The following ADAMTS17 variants were observed in gnomAD, a reference collection of about 807,000 sequenced individuals.
ADAMTS17 encodes the protein ADAM metallopeptidase with thrombospondin type 1 motif 17.
A neutral mutation model predicts 141.5 loss-of-function variants in ADAMTS17; 113 were observed. The observed-to-expected ratio is 0.80, with a 90% CI of 0.69 to 0.93. The LOEUF (loss-of-function observed/expected upper bound fraction) is 0.93. Among genes scored for constraint, ADAMTS17 ranks in the 40% least tolerant of loss-of-function variants. The pLI, the probability that ADAMTS17 is intolerant of heterozygous loss-of-function variation, is 0.00. For missense variants in ADAMTS17, 1,659 were observed against 1,517.9 expected, an observed-to-expected ratio of 1.09 and a Z score of -1.54; for synonymous variants, 768 against 630.6, an observed-to-expected ratio of 1.22 and a Z score of -3.27.
At chr15:100,265,527 C>T (rs928709515) in intron 4 of ADAMTS17, among the ~76,000 whole-genome samples, 2 of 152,192 alleles carry the variant, frequency 1.3e-5, no homozygotes, top group South Asian at 2.1e-4. Flanking sequence ...GTGGACCTGC[C>T]GCCTGCAGCA....
chr15:100,225,913 G>C (rs2042294520), intron 7 of ADAMTS17, among the ~76,000 whole-genome samples: 1 of 150,264 alleles, frequency 6.7e-6, no homozygotes, highest in Non-Finnish European at 1.5e-5. Flanking sequence ...GTGCCATTCA[G>C]TCCTTACAGC....
chr15:100,051,628 G>C lies in ADAMTS17; in HGVS notation c.2399C>G (p.Ser800Cys). ...NQSEPEKPQD[S>C]LFIWTHSGWE... ...GCCGCTGTGGGTCCAGATGAACAAA[G>C]AGTCCTGCGGTTTTTCTGGTTCGCT... is the stretch of plus-strand genomic sequence containing the variant. The change falls in exon 17 of 22, where the codon TCT (serine) becomes TGT (cysteine). Residue 800 changes from serine to cysteine, a missense_variant. By Grantham distance (112) the Ser-to-Cys change is moderately radical. Coordinates refer to ENST00000268070, the MANE Select transcript of ADAMTS17 (RefSeq NM_139057.4). 1 of 1,614,188 alleles carries C rather than the reference G, an allele frequency of 6.2e-7. No homozygotes were observed. Among genetic ancestry groups the C allele is most frequent in the Non-Finnish European group, 8.5e-7 (1 of 1,180,034 alleles).
At chr15:100,087,242 A>C (rs2140974312) in intron 15 of ADAMTS17, among the ~76,000 whole-genome samples, 1 of 152,390 alleles carries the variant, frequency 6.6e-6, no homozygotes, top group Non-Finnish European at 1.5e-5. Context: ...ATCTAGAAGA[A>C]ATGGATAAAT....
chr15:100,223,432 G>A (rs2042196717), intron 7 of ADAMTS17, among the ~76,000 whole-genome samples: 2 of 152,112 alleles, frequency 1.3e-5, no homozygotes, highest in Non-Finnish European at 2.9e-5. Context: ...TCTGCATGAA[G>A]TATATAACCA....
chr15:100,163,025 T>C (rs994263036), intron 8 of ADAMTS17, among the ~76,000 whole-genome samples: 13 of 146,400 alleles, frequency 8.9e-5, no homozygotes, highest in African/African-American at 3.3e-4. Context: ...TAACTATATA[T>C]GTATATATAT....
chr15:100,296,553 G>GT (rs1401945024), intron 3 of ADAMTS17, among the ~76,000 whole-genome samples: 3 of 150,890 alleles, frequency 2.0e-5, no homozygotes, highest in Non-Finnish European at 2.9e-5. Context: ...GAAAATAAGG[G>GT]TTTTTTGTTT....
At chr15:100,143,360 T>G (rs551907107) in intron 10 of ADAMTS17, among the ~76,000 whole-genome samples, 2 of 152,358 alleles carry the variant, frequency 1.3e-5, no homozygotes, top group South Asian at 2.1e-4. Context: ...AATAGCAACT[T>G]TCTTTTGCAG....
At chr15:100,230,097 G>A (rs2042430712) in intron 7 of ADAMTS17, among the ~76,000 whole-genome samples, 2 of 152,114 alleles carry the variant, frequency 1.3e-5, no homozygotes, top group South Asian at 4.1e-4. Flanking sequence ...ACCAACACCG[G>A]GCACTTAAAC....
chr15:100,214,142 C>A (rs987912764), intron 7 of ADAMTS17, among the ~76,000 whole-genome samples: 2 of 152,104 alleles, frequency 1.3e-5, no homozygotes, highest in East Asian at 1.9e-4. Context: ...CGGAGTAGCT[C>A]CCATGTGGAA....
intron 7 of ADAMTS17, among the ~76,000 whole-genome samples, chr15:100,202,548 C>A (rs1168645522): frequency 6.6e-6 from 1 of 152,112 alleles, no homozygotes; most frequent in Admixed American, 6.5e-5. Flanking sequence ...GGAGAAAATC[C>A]CAGGTTGTTG....
At chr15:100,158,523 G>A (rs1211093544) in intron 8 of ADAMTS17, among the ~76,000 whole-genome samples, 1 of 152,044 alleles carries the variant, frequency 6.6e-6, no homozygotes, top group African/African-American at 2.4e-5. Context: ...GACTACAATT[G>A]CAATGCTGTT....
chr15:100,326,147 C>A (rs759887261), intron 3 of ADAMTS17, among the ~76,000 whole-genome samples: 6 of 152,018 alleles, frequency 3.9e-5, no homozygotes, highest in Non-Finnish European at 5.9e-5. Flanking sequence ...TTTCTCTTTG[C>A]GGAATAATAA....
At chr15:100,050,814 C>T (rs560012136) in intron 17 of ADAMTS17, among the ~76,000 whole-genome samples, 1 of 152,300 alleles carries the variant, frequency 6.6e-6, no homozygotes, top group East Asian at 1.9e-4. Flanking sequence ...CCCTGTGTTC[C>T]ATCTCCCATG....
At chr15:99,976,674 G>C (rs893812706) in intron 20 of ADAMTS17, 11 of 260,676 alleles carry the variant, frequency 4.2e-5, no homozygotes, top group African/African-American at 2.2e-4. Context: ...AAGGGAAAGA[G>C]ACCCGAGCTT....
At chr15:100,154,123 G>A (rs1016990623) in intron 9 of ADAMTS17, among the ~76,000 whole-genome samples, 1 of 152,178 alleles carries the variant, frequency 6.6e-6, no homozygotes. Context: ...AGAGGTTGTG[G>A]TGAGCCAAGA....
chr15:100,145,556 C>G (rs1429770117), intron 10 of ADAMTS17, among the ~76,000 whole-genome samples: 2 of 152,138 alleles, frequency 1.3e-5, no homozygotes, highest in African/African-American at 2.4e-5. Context: ...AAAACTGGAC[C>G]ATTAGTACTG....
chr15:100,129,942 T>C (rs148532155), intron 12 of ADAMTS17, among the ~76,000 whole-genome samples: 43 of 152,270 alleles, frequency 2.8e-4, no homozygotes, highest in African/African-American at 1.0e-3. Flanking sequence ...AGCCCTTTCT[T>C]CACGAGGCCA....
intron 9 of ADAMTS17, 105 bp downstream of exon 9, chr15:100,155,073 CAA>C: frequency 6.4e-7 from 1 of 1,563,440 alleles, no homozygotes; most frequent in Non-Finnish European, 8.8e-7. Context: ...ATGCAAATCC[CAA>C]AAGAGAGTCA....
intron 15 of ADAMTS17, among the ~76,000 whole-genome samples, chr15:100,058,288 T>TCCTATCCCAGCTCTTAACACC (rs2032800071): frequency 1.5e-5 from 1 of 67,680 alleles, no homozygotes; most frequent in African/African-American, 7.3e-5. Context: ...GCTCTAACCC[T>TCCTATCCCAGCTCTTAACACC]CCTATCCCGG....
Sources: gnomAD v4.1 joint callset for allele counts (sites outside exome capture counted in the v4.1 genomes callset) on GRCh38, gnomAD v4.1.1 for gene constraint, MANE v1.5 for transcripts, NCBI Gene and HGNC (gene_info 2026-07-23, HGNC 2026-07-21) for gene names.